EPB41L4A: variants seen among roughly 807,000 people sequenced by gnomAD.
The protein encoded by EPB41L4A is erythrocyte membrane protein band 4.1 like 4A.
EPB41L4A carries 100 observed loss-of-function variants against 108.6 expected under a neutral mutation model. That is an observed-to-expected ratio of 0.92 (90% CI 0.78 to 1.09). The LOEUF (loss-of-function observed/expected upper bound fraction) is 1.09. Among genes scored for constraint, EPB41L4A ranks in the 50% least tolerant of loss-of-function variants. EPB41L4A has a pLI of 0.00. For synonymous variants in EPB41L4A, 319 were observed against 289.0 expected (o/e 1.10, Z -1.05); for missense variants, 1,030 against 842.7 (o/e 1.22, Z -2.75).
intron 1 of EPB41L4A, among the ~76,000 whole-genome samples, chr5:112,389,251 A>C (rs1368874198): frequency 6.6e-6 from 1 of 152,220 alleles, no homozygotes; most frequent in African/African-American, 2.4e-5. Context: ...TTAATGTATT[A>C]AGGATTTTAT....
At chr5:112,391,607 G>T (rs2112674580) in intron 1 of EPB41L4A, among the ~76,000 whole-genome samples, 1 of 152,252 alleles carries the variant, frequency 6.6e-6, no homozygotes, top group East Asian at 1.9e-4. Flanking sequence ...ACGTCTGATT[G>T]GTATACCTGA....
At chr5:112,180,009 GTTC>G (rs1761064836) in intron 18 of EPB41L4A, among the ~76,000 whole-genome samples, 1 of 152,022 alleles carries the variant, frequency 6.6e-6, no homozygotes, top group Non-Finnish European at 1.5e-5. Context: ...AAAATCCTTT[GTTC>G]TTCTATATAC....
At chr5:112,294,698 ACT>A in intron 2 of EPB41L4A, among the ~76,000 whole-genome samples, 1 of 152,174 alleles carries the variant, frequency 6.6e-6, no homozygotes. Context: ...CCCCCGAGAC[ACT>A]ATGGTACAGC....
intron 14 of EPB41L4A, 49 bp from the exon 15 acceptor site, chr5:112,204,537 G>A (rs893707079): frequency 4.9e-6 from 6 of 1,233,732 alleles, no homozygotes; most frequent in Admixed American, 1.7e-5. Flanking sequence ...GTTCCTGGGG[G>A]AAAACACACC....
chr5:112,356,682 A>G lies in EPB41L4A; in HGVS notation c.100-49192T>C, dbSNP rs185623976. On this transcript the variant is annotated intron_variant, in intron 1 of 22. Coordinates refer to ENST00000261486, the MANE Select transcript of EPB41L4A (RefSeq NM_022140.5). ...CCTTAATCACCTTAACATCCTACAGACTCTCATGTGGGTCTATTGCATTGA... is the reference window on the plus strand; with the variant it reads ...CCTTAATCACCTTAACATCCTACAGGCTCTCATGTGGGTCTATTGCATTGA... 1.0e-3 allele frequency among the ~76,000 whole-genome samples: 158 copies of G among 152,118 alleles called. 1 individual carries two copies. In the Middle Eastern group the frequency reaches 0.02, roughly 20 times the overall value.
chr5:112,187,831 A>C (rs1361269212), intron 17 of EPB41L4A, among the ~76,000 whole-genome samples: 6 of 152,208 alleles, frequency 3.9e-5, no homozygotes, highest in Non-Finnish European at 5.9e-5. Context: ...TTCAGAGAGA[A>C]TGTAAAATGA....
Position 112,419,123 on chromosome 5 carries a change from A to G in EPB41L4A, c.-84T>C. 9.6e-7 allele frequency: 1 copy of G among 1,038,436 alleles called. No individual in the cohort carries two copies. The highest frequency in any genetic ancestry group is 1.5e-6 in the Non-Finnish European group (1 of 673,072). The allele number at this position is 1,038,436 out of a possible 1,614,324, so 64.3% of individuals were successfully genotyped here. On this transcript the variant is annotated 5_prime_UTR_variant, in exon 1 of 23. Coordinates refer to ENST00000261486, the MANE Select transcript of EPB41L4A (RefSeq NM_022140.5). ...CCCTCCACTCAAGCGCGATGCATTA[A>G]TTTATTGTCCGCGCCGTGGCGAGGG... is the stretch of plus-strand genomic sequence containing the variant.
At chr5:112,144,144 G>A (rs1185679175) in intron 13 of EPB41L4A, among the ~76,000 whole-genome samples, 4 of 152,126 alleles carry the variant, frequency 2.6e-5, no homozygotes, top group Admixed American at 6.5e-5. Flanking sequence ...GAGCAGCCCT[G>A]GGAATATGAG....
intron 2 of EPB41L4A, among the ~76,000 whole-genome samples, chr5:112,301,717 T>C (rs951403104): frequency 6.6e-6 from 1 of 152,188 alleles, no homozygotes; most frequent in African/African-American, 2.4e-5. Flanking sequence ...GCCCCCTGTC[T>C]GTCAATTTCC....
chr5:112,256,864 G>A (rs930297609), intron 9 of EPB41L4A: 1 of 152,060 alleles, frequency 6.6e-6, no homozygotes, highest in Non-Finnish European at 1.5e-5. Context: ...TCTTTGCAGG[G>A]TATTTTCTGG....
intron 13 of EPB41L4A, among the ~76,000 whole-genome samples, chr5:112,209,344 C>A (rs545232566): frequency 6.6e-6 from 1 of 152,336 alleles, no homozygotes; most frequent in African/African-American, 2.4e-5. Flanking sequence ...CTCAGGGAAA[C>A]AATCCATGTA....
chr5:112,248,109 T>C (rs1750377944), intron 9 of EPB41L4A, among the ~76,000 whole-genome samples: 1 of 152,222 alleles, frequency 6.6e-6, no homozygotes, highest in African/African-American at 2.4e-5. Context: ...ACAAGCTGCC[T>C]ATTTTTTATC....
At chr5:112,192,329 T>C (rs777387957) in intron 17 of EPB41L4A, 5 of 152,222 alleles carry the variant, frequency 3.3e-5, no homozygotes, top group Admixed American at 6.5e-5. Context: ...CTGAAAGCTA[T>C]ATTTCTTCTT....
At chr5:112,342,492 C>G (rs1365339660) in intron 1 of EPB41L4A, among the ~76,000 whole-genome samples, 1 of 152,166 alleles carries the variant, frequency 6.6e-6, no homozygotes, top group Non-Finnish European at 1.5e-5. Context: ...GCAAAAGCAC[C>G]AGGCACATTT....
chr5:112,362,461 A>C (rs1029422039), intron 1 of EPB41L4A, among the ~76,000 whole-genome samples: 1 of 152,012 alleles, frequency 6.6e-6, no homozygotes, highest in Non-Finnish European at 1.5e-5. Flanking sequence ...TTGTATTTTT[A>C]GTAGACACGG....
upstream of EPB41L4A, chr5:112,419,640 C>A: frequency 2.2e-6 from 1 of 456,220 alleles, no homozygotes. Context: ...GCACCCACGA[C>A]GCCCCGACCA....
intron 12 of EPB41L4A, among the ~76,000 whole-genome samples, chr5:112,212,887 TTTCTTAG>T (rs1317624890): frequency 6.6e-6 from 1 of 152,176 alleles, no homozygotes; most frequent in Non-Finnish European, 1.5e-5. Context: ...TGACTACTTT[TTTCTTAG>T]TCTAACAATC....
chr5:112,285,670 A>G (rs1468688089), intron 2 of EPB41L4A, among the ~76,000 whole-genome samples: 1 of 152,196 alleles, frequency 6.6e-6, no homozygotes, highest in Non-Finnish European at 1.5e-5. Context: ...GTGAATTTCA[A>G]GAAATCTCTG....
intron 1 of EPB41L4A, among the ~76,000 whole-genome samples, chr5:112,375,313 T>TCTCTCTCGCG (rs1554106192): frequency 3.1e-4 from 46 of 148,492 alleles, no homozygotes; most frequent in African/African-American, 1.1e-3. Context: ...GGTCAGTCTC[T>TCTCTCTCGCG]CTCTCTCTCG....
Sources: allele counts gnomAD v4.1 joint callset (sites outside exome capture counted in the v4.1 genomes callset), GRCh38; gene constraint gnomAD v4.1.1; transcripts MANE v1.5; gene names NCBI Gene and HGNC (gene_info 2026-07-23, HGNC 2026-07-21).